The following NEGR1 variants were observed in gnomAD, a reference collection of about 807,000 sequenced individuals.
NEGR1 encodes the protein neuronal growth regulator 1.
Under a neutral mutation model 40.9 loss-of-function variants are expected in NEGR1, and 10 were observed. The ratio of observed to expected loss-of-function variants is 0.24; its 90% confidence interval spans 0.15 to 0.42. The LOEUF (loss-of-function observed/expected upper bound fraction) is 0.42, where lower values mean the gene tolerates loss of function less well. Ranked by LOEUF, NEGR1 falls within the 10% of genes least tolerant of loss-of-function variation. The probability of loss-of-function intolerance (pLI) is 1.00; values close to 1 mark genes in which losing one functional copy is unlikely to be tolerated. For synonymous variants in NEGR1, 185 were observed against 166.8 expected (o/e 1.11, Z -0.84); for missense variants, 352 against 438.9 (o/e 0.80, Z 1.77).
intron 1 of NEGR1, among the ~76,000 whole-genome samples, chr1:72,200,856 G>C (rs1336240721): frequency 6.6e-6 from 1 of 151,812 alleles, no homozygotes; most frequent in Admixed American, 6.6e-5. Context: ...CAGAAAGAGT[G>C]TATTTTATTT....
intron 5 of NEGR1, among the ~76,000 whole-genome samples, chr1:71,593,289 A>T (rs534000377): frequency 2.6e-5 from 4 of 152,314 alleles, no homozygotes; most frequent in East Asian, 1.9e-4. Flanking sequence ...CTCATCTATT[A>T]AAGTCAGGAA....
chr1:71,695,944 C>A (rs748324734), intron 4 of NEGR1, among the ~76,000 whole-genome samples: 8 of 151,674 alleles, frequency 5.3e-5, no homozygotes, highest in Non-Finnish European at 1.0e-4. Context: ...TGACATAAAC[C>A]CACTATGTAC....
intron 2 of NEGR1, among the ~76,000 whole-genome samples, chr1:71,916,773 A>C (rs892558140): frequency 2.6e-5 from 4 of 152,292 alleles, no homozygotes; most frequent in Admixed American, 1.3e-4. Context: ...AAAACAAAAC[A>C]AAACAAAACA....
intron 1 of NEGR1, among the ~76,000 whole-genome samples, chr1:71,973,074 T>G (rs1041372493): frequency 2.6e-5 from 4 of 152,140 alleles, no homozygotes; most frequent in African/African-American, 4.8e-5. Flanking sequence ...GTAAAATTCA[T>G]AAGGCACTCA....
intron 1 of NEGR1, among the ~76,000 whole-genome samples, chr1:72,048,384 T>A (rs1173579814): frequency 7.6e-6 from 1 of 130,736 alleles, no homozygotes; most frequent in Non-Finnish European, 1.6e-5. Context: ...TAACAGTACA[T>A]CATTAGAAAC....
chr1:72,114,680 T>G (rs187680345), intron 1 of NEGR1, among the ~76,000 whole-genome samples: 1 of 151,764 alleles, frequency 6.6e-6, no homozygotes, highest in Non-Finnish European at 1.5e-5. Flanking sequence ...TTTCACTTCC[T>G]TGTAATATTT....
intron 1 of NEGR1, among the ~76,000 whole-genome samples, chr1:71,984,373 C>G (rs1384092414): frequency 6.6e-6 from 1 of 152,110 alleles, no homozygotes; most frequent in Non-Finnish European, 1.5e-5. Flanking sequence ...AGTGATCTCA[C>G]CTCGGCCCCC....
At chr1:72,050,411 T>C (rs1647048201) in intron 1 of NEGR1, among the ~76,000 whole-genome samples, 1 of 151,546 alleles carries the variant, frequency 6.6e-6, no homozygotes, top group Non-Finnish European at 1.5e-5. Flanking sequence ...TGAATAATTA[T>C]TTTTAGTGTG....
intron 1 of NEGR1, among the ~76,000 whole-genome samples, chr1:72,069,311 G>C (rs1260064569): frequency 2.6e-5 from 4 of 151,946 alleles, no homozygotes; most frequent in Non-Finnish European, 5.9e-5. Context: ...AGGCATGGAG[G>C]CACACTCCTG....
intron 2 of NEGR1, among the ~76,000 whole-genome samples, chr1:71,802,216 G>GA (rs1035091834): frequency 6.6e-6 from 1 of 151,946 alleles, no homozygotes; most frequent in Admixed American, 6.6e-5. Flanking sequence ...ATTATTAACA[G>GA]AAAAAAACCA....
In NEGR1 at chr1:72,114,246, C is replaced by A. The variant is rs1486843681; in HGVS notation, c.176+168073G>T. On this transcript the variant is annotated intron_variant, in intron 1 of 6. Coordinates refer to ENST00000357731, the MANE Select transcript of NEGR1 (RefSeq NM_173808.3). The stretch of plus-strand genomic sequence containing the variant: ...TTACCCTCCATAATATGGTCAACCT[C>A]ATTCAATGGGTTAAAGGCCTTAATA... Among the ~76,000 whole-genome samples the A allele has an allele frequency of 4.0e-5, 6 of 151,454 alleles. No individual in the cohort carries two copies. In the East Asian group the frequency reaches 1.2e-3, roughly 30 times the overall value.
At chr1:72,240,059 A>T (rs1189249377) in intron 1 of NEGR1, among the ~76,000 whole-genome samples, 1 of 151,930 alleles carries the variant, frequency 6.6e-6, no homozygotes, top group Admixed American at 6.6e-5. Context: ...CCTTGAAAAG[A>T]GCCCCTCTCA....
At chr1:71,521,265 AG>A (rs1647155568) in intron 6 of NEGR1, among the ~76,000 whole-genome samples, 4 of 152,068 alleles carry the variant, frequency 2.6e-5, no homozygotes, top group Admixed American at 2.6e-4. Flanking sequence ...GCAATTTCAC[AG>A]CTGATTTAGA....
intron 1 of NEGR1, among the ~76,000 whole-genome samples, chr1:72,217,898 CTA>C (rs1476068296): frequency 2.6e-5 from 4 of 151,700 alleles, no homozygotes; most frequent in Non-Finnish European, 5.9e-5. Context: ...GTTTAGTCTT[CTA>C]TATCTCCAAC....
intron 2 of NEGR1, among the ~76,000 whole-genome samples, chr1:71,855,244 A>G (rs1025967368): frequency 2.0e-5 from 3 of 152,120 alleles, no homozygotes; most frequent in Non-Finnish European, 4.4e-5. Context: ...TTTTCTTTCA[A>G]TAAACTCAAA....
intron 1 of NEGR1, among the ~76,000 whole-genome samples, chr1:72,022,206 T>C (rs974400735): frequency 5.5e-5 from 8 of 146,654 alleles, no homozygotes; most frequent in African/African-American, 2.0e-4. Flanking sequence ...GAATTGTAAG[T>C]TGGATATCAA....
At chr1:71,423,423 T>A (rs1646409984) in intron 6 of NEGR1, among the ~76,000 whole-genome samples, 1 of 152,056 alleles carries the variant, frequency 6.6e-6, no homozygotes, top group Admixed American at 6.6e-5. Flanking sequence ...TAAAATGAAA[T>A]TTTTTAAAAA....
At chr1:71,438,404 A>T (rs1646524054) in intron 6 of NEGR1, among the ~76,000 whole-genome samples, 1 of 151,954 alleles carries the variant, frequency 6.6e-6, no homozygotes, top group African/African-American at 2.4e-5. Flanking sequence ...CAGAATCTTC[A>T]TTTTTTTTGT....
chr1:71,690,124 C>T (rs1012485745), intron 4 of NEGR1, among the ~76,000 whole-genome samples: 2 of 152,162 alleles, frequency 1.3e-5, no homozygotes, highest in Non-Finnish European at 2.9e-5. Flanking sequence ...TCTCCCTTCA[C>T]ACACATATAC....
Sources: gnomAD v4.1 joint callset for allele counts (sites outside exome capture counted in the v4.1 genomes callset) on GRCh38, gnomAD v4.1.1 for gene constraint, MANE v1.5 for transcripts, NCBI Gene and HGNC (gene_info 2026-07-23, HGNC 2026-07-21) for gene names.